CNTN5: variants seen among roughly 807,000 people sequenced by gnomAD.
CNTN5 encodes contactin-5.
CNTN5 carries 77 observed loss-of-function variants against 129.1 expected under a neutral mutation model. The ratio of observed to expected loss-of-function variants is 0.60; its 90% confidence interval spans 0.50 to 0.72. The LOEUF (loss-of-function observed/expected upper bound fraction) is 0.72, where lower values mean the gene tolerates loss of function less well. CNTN5 is among the 30% of genes least tolerant of loss of function. The pLI, the probability that CNTN5 is intolerant of heterozygous loss-of-function variation, is 0.00. For missense variants in CNTN5, 1,478 were observed against 1,328.8 expected (o/e 1.11, Z -1.75); for synonymous variants, 509 against 465.6 (o/e 1.09, Z -1.20).
intron 1 of CNTN5, among the ~76,000 whole-genome samples, chr11:99,189,886 G>T (rs1382250452): frequency 6.6e-6 from 1 of 151,142 alleles, no homozygotes; most frequent in Non-Finnish European, 1.5e-5. Flanking sequence ...TGTTCCTTTG[G>T]CTGTGCAAAA....
At chr11:99,214,405 AT>A (rs1860011249) in intron 1 of CNTN5, among the ~76,000 whole-genome samples, 2 of 148,396 alleles carry the variant, frequency 1.3e-5, no homozygotes, top group East Asian at 1.9e-4. Context: ...AAATAAATAT[AT>A]ATATATATAA....
intron 3 of CNTN5, among the ~76,000 whole-genome samples, chr11:99,647,513 A>G (rs906592961): frequency 2.6e-5 from 4 of 151,424 alleles, no homozygotes; most frequent in East Asian, 1.9e-4. Flanking sequence ...ATTATTTTTC[A>G]CTATTAATGA....
intron 9 of CNTN5, among the ~76,000 whole-genome samples, chr11:100,031,398 T>C (rs553405079): frequency 6.6e-6 from 1 of 152,238 alleles, no homozygotes; most frequent in East Asian, 1.9e-4. Flanking sequence ...CCAAGATTCC[T>C]GTCCCAGAAA....
At chr11:99,069,097 A>G (rs1214126749) in intron 1 of CNTN5, among the ~76,000 whole-genome samples, 1 of 152,140 alleles carries the variant, frequency 6.6e-6, no homozygotes, top group Non-Finnish European at 1.5e-5. Flanking sequence ...TTACTGGCAG[A>G]CTTTGAAAAT....
intron 2 of CNTN5, among the ~76,000 whole-genome samples, chr11:99,514,346 A>T (rs140194524): frequency 1.6e-4 from 24 of 152,232 alleles, no homozygotes; most frequent in African/African-American, 5.8e-4. Context: ...ATGAGATTAC[A>T]TAAATGCAGT....
At chr11:100,116,181 C>G (rs1460442963) in intron 13 of CNTN5, among the ~76,000 whole-genome samples, 2 of 151,938 alleles carry the variant, frequency 1.3e-5, no homozygotes, top group African/African-American at 4.8e-5. Flanking sequence ...TCCATCAGTA[C>G]CAGCAAGCAG....
At chr11:99,310,444 T>A (rs1241543196) in intron 1 of CNTN5, among the ~76,000 whole-genome samples, 2 of 152,160 alleles carry the variant, frequency 1.3e-5, no homozygotes, top group African/African-American at 2.4e-5. Flanking sequence ...ATTGACATAG[T>A]CACATAGTGA....
At chr11:99,037,556 T>C (rs1025599002) in intron 1 of CNTN5, among the ~76,000 whole-genome samples, 1 of 150,788 alleles carries the variant, frequency 6.6e-6, no homozygotes, top group African/African-American at 2.4e-5. Context: ...TGGGACATAT[T>C]TTTCCTTCTT....
At chr11:99,303,878 T>C (rs907549080) in intron 1 of CNTN5, among the ~76,000 whole-genome samples, 4 of 152,150 alleles carry the variant, frequency 2.6e-5, no homozygotes, top group Admixed American at 1.3e-4. Flanking sequence ...ATTATATTAA[T>C]CCTTTAGTAA....
chr11:99,612,192 G>A (rs879813256), intron 3 of CNTN5, among the ~76,000 whole-genome samples: 1 of 152,138 alleles, frequency 6.6e-6, no homozygotes, highest in Non-Finnish European at 1.5e-5. Context: ...TCAACGGAAT[G>A]TTCAAAATCA....
intron 6 of CNTN5, among the ~76,000 whole-genome samples, chr11:99,894,809 T>TA (rs1206469409): frequency 6.6e-6 from 1 of 152,168 alleles, no homozygotes; most frequent in East Asian, 1.9e-4. Context: ...AAATGTAAGT[T>TA]ACGTGGTTTT....
chr11:100,287,159 T>G (rs1029841478), intron 18 of CNTN5, among the ~76,000 whole-genome samples: 5 of 152,246 alleles, frequency 3.3e-5, no homozygotes, highest in Non-Finnish European at 7.3e-5. Flanking sequence ...TTGGGGAGAA[T>G]GGAACCAAGT....
At chr11:100,190,645 G>A (rs1002122) in intron 13 of CNTN5, among the ~76,000 whole-genome samples, 78,343 of 151,682 alleles carry the variant, frequency 0.52, 20,656 homozygotes, top group East Asian at 0.81. Flanking sequence ...TGGTGGCAAC[G>A]CAGAATAACT....
chr11:99,733,560 C>T (rs1338611645), intron 3 of CNTN5, among the ~76,000 whole-genome samples: 1 of 152,004 alleles, frequency 6.6e-6, no homozygotes, highest in Admixed American at 6.6e-5. Flanking sequence ...TTTGTCTCCA[C>T]AATTGCTTTT....
chr11:99,718,114 C>G (rs928888789), intron 3 of CNTN5, among the ~76,000 whole-genome samples: 4 of 152,102 alleles, frequency 2.6e-5, no homozygotes, highest in Admixed American at 1.3e-4. Flanking sequence ...CCAATACGCT[C>G]TAATTGGAAC....
At chr11:99,843,591 T>A (rs1421107117) in intron 4 of CNTN5, among the ~76,000 whole-genome samples, 1 of 152,228 alleles carries the variant, frequency 6.6e-6, no homozygotes, top group African/African-American at 2.4e-5. Context: ...TTTCTCTTTA[T>A]CTGTAGCAGT....
intron 1 of CNTN5, among the ~76,000 whole-genome samples, chr11:99,261,247 G>A (rs558405548): frequency 5.9e-5 from 9 of 152,034 alleles, no homozygotes; most frequent in South Asian, 2.1e-4. Flanking sequence ...AAATTGAATC[G>A]TAGAGTTAAT....
In CNTN5 at chr11:100,016,098, C is replaced by A. The variant is rs1940806591; in HGVS notation, c.980+13962C>A. Among the ~76,000 whole-genome samples, 3 of 151,962 alleles carry A rather than the reference C, an allele frequency of 2.0e-5. No individual in the cohort carries two copies. In the South Asian group the frequency reaches 6.2e-4, roughly 32 times the overall value. On this transcript the variant is annotated intron_variant, in intron 9 of 24. Transcript: ENST00000524871. ...CTTTTAACAGGCAGAACACAGAAGA[C>A]CATATATACAATTTATTTATGTTCT...
chr11:100,131,083 G>A (rs1460997912), intron 13 of CNTN5, among the ~76,000 whole-genome samples: 2 of 151,994 alleles, frequency 1.3e-5, no homozygotes, highest in African/African-American at 2.4e-5. Flanking sequence ...TTATATCCTC[G>A]TGGCAATGGT....
Sources: gnomAD v4.1 joint callset for allele counts (sites outside exome capture counted in the v4.1 genomes callset) on GRCh38, gnomAD v4.1.1 for gene constraint, MANE v1.5 for transcripts, NCBI Gene and HGNC (gene_info 2026-07-23, HGNC 2026-07-21) for gene names.